The following NCALD variants were observed in gnomAD, a reference collection of about 807,000 sequenced individuals.
NCALD encodes neurocalcin-delta.
A neutral mutation model predicts 18.6 loss-of-function variants in NCALD; 10 were observed. The ratio of observed to expected loss-of-function variants is 0.54; its 90% CI spans 0.33 to 0.91. The LOEUF (loss-of-function observed/expected upper bound fraction) is 0.91, where lower values mean the gene tolerates loss of function less well. Among genes scored for constraint, NCALD ranks in the 40% least tolerant of loss-of-function variants. NCALD has a pLI of 0.03. For synonymous variants in NCALD, 88 were observed against 87.4 expected, an observed-to-expected ratio of 1.01 and a Z score of -0.04; for missense variants, 184 against 247.6, an observed-to-expected ratio of 0.74 and a Z score of 1.72.
At position 101,689,482 on chromosome 8, in the gene NCALD, T is replaced by A; in HGVS notation, c.485-76A>T. 1.7e-6 allele frequency: 2 copies of A among 1,182,760 alleles called. No homozygotes were observed. Among genetic ancestry groups the A allele is most frequent in the Non-Finnish European group, 2.4e-6 (2 of 819,638 alleles). 73.3% of individuals were successfully genotyped at this position (1,182,760 alleles called of 1,614,324 possible). On this transcript the variant is annotated intron_variant, in intron 3 of 3. Transcript: ENST00000220931. The surrounding 1 kb of genome is among the most constrained non-coding windows in gnomAD (Gnocchi z 4.4). Reference sequence around the variant, plus strand: ...TTACACCCTTCCCACTACTGCGTGCTGGGCAGTGTCGATTCACCTGCCTGC... The same window carrying A: ...TTACACCCTTCCCACTACTGCGTGCAGGGCAGTGTCGATTCACCTGCCTGC...
intron 4 of NCALD, among the ~76,000 whole-genome samples, chr8:101,840,995 G>A (rs540754645): frequency 2.6e-5 from 4 of 152,264 alleles, no homozygotes; most frequent in African/African-American, 9.6e-5. Context: ...GGCCTTATTA[G>A]ATTCAGAGCT....
intron 2 of NCALD, among the ~76,000 whole-genome samples, chr8:101,988,902 G>GAAAAAAA (rs35196499): frequency 7.6e-5 from 5 of 66,074 alleles, no homozygotes; most frequent in African/African-American, 1.2e-4. Flanking sequence ...GGTGCCAGCA[G>GAAAAAAA]AAAAAAAAAA....
chr8:101,690,849 C>G, intron 3 of NCALD: 1 of 985,414 alleles, frequency 1.0e-6, no homozygotes, highest in Non-Finnish European at 1.2e-6. Context: ...CAGGCGTGAT[C>G]TCTGAACACT....
At chr8:101,714,605 T>C (rs1815973466) in intron 2 of NCALD, among the ~76,000 whole-genome samples, 1 of 152,218 alleles carries the variant, frequency 6.6e-6, no homozygotes, top group Non-Finnish European at 1.5e-5. Flanking sequence ...CACATCAAGC[T>C]ACCATTGACT....
intron 2 of NCALD, among the ~76,000 whole-genome samples, chr8:101,984,014 G>T (rs1482734112): frequency 2.6e-5 from 4 of 152,152 alleles, no homozygotes; most frequent in Admixed American, 2.0e-4. Context: ...TCACCTGCTC[G>T]AATATGCTAT....
At chr8:101,850,738 G>A (rs1042755412) in intron 4 of NCALD, among the ~76,000 whole-genome samples, 3 of 152,140 alleles carry the variant, frequency 2.0e-5, no homozygotes, top group Non-Finnish European at 4.4e-5. Flanking sequence ...GAAGCAGAGG[G>A]TAGAAGATAT....
chr8:101,950,825 C>T (rs1819386940), intron 2 of NCALD, among the ~76,000 whole-genome samples: 1 of 152,230 alleles, frequency 6.6e-6, no homozygotes, highest in African/African-American at 2.4e-5. Flanking sequence ...GCTCAGACGA[C>T]CTGCAGTCCC....
chr8:101,731,989 T>C (rs1816854231), intron 1 of NCALD, among the ~76,000 whole-genome samples: 1 of 152,194 alleles, frequency 6.6e-6, no homozygotes, highest in Non-Finnish European at 1.5e-5. Flanking sequence ...TCAGACCACC[T>C]GGCCGTCAGA....
upstream of NCALD, among the ~76,000 whole-genome samples, chr8:101,795,363 T>C (rs984919022): frequency 6.6e-6 from 1 of 152,162 alleles, no homozygotes; most frequent in Non-Finnish European, 1.5e-5. Flanking sequence ...AGGTAGCTTA[T>C]AAACAACAGA....
intron 2 of NCALD, among the ~76,000 whole-genome samples, chr8:101,930,316 T>C (rs1818525723): frequency 6.6e-6 from 1 of 152,156 alleles, no homozygotes; most frequent in African/African-American, 2.4e-5. Flanking sequence ...TTTAGTCTGA[T>C]TCCCAAAATG....
chr8:101,726,552 G>C (rs1043467747), intron 1 of NCALD, among the ~76,000 whole-genome samples: 50 of 152,244 alleles, frequency 3.3e-4, no homozygotes, highest in African/African-American at 1.2e-3. Flanking sequence ...AAACTATAAG[G>C]ATAAAGTTAA....
At chr8:101,876,963 T>A (rs930747221) in intron 4 of NCALD, among the ~76,000 whole-genome samples, 1 of 152,196 alleles carries the variant, frequency 6.6e-6, no homozygotes, top group African/African-American at 2.4e-5. Flanking sequence ...AGGATATATA[T>A]GAGAACTCAG....
At position 101,946,809 on chromosome 8, in the gene NCALD, CAAAAA is replaced by C. The variant is rs71268537; in HGVS notation, c.-156-30956_-156-30952del. Among the ~76,000 whole-genome samples, 9 of 65,668 alleles carry C rather than the reference CAAAAA, an allele frequency of 1.4e-4. 1 individual carries two copies. Among genetic ancestry groups the C allele is most frequent in the African/African-American group, 3.7e-4 (6 of 16,108 alleles). 43.1% of individuals were successfully genotyped at this position (65,668 alleles called of 152,430 possible). A position where few individuals can be genotyped will look rare whatever the true frequency, so the allele number is the denominator to read the frequency against. ...AGTGGAGACTATCCACATCAATTAGCAAAAAAAAAAAAAAAAAAAAAAAAAATCTT... is the reference window on the plus strand; with the variant it reads ...AGTGGAGACTATCCACATCAATTAGCAAAAAAAAAAAAAAAAAAAAATCTT... On this transcript the variant is annotated intron_variant, in intron 2 of 6. Transcript: ENST00000311028.
intron 3 of NCALD, chr8:101,690,949 A>G: frequency 1.0e-6 from 1 of 985,382 alleles, no homozygotes. Context: ...GGCTTTCTTC[A>G]CTTAACTGTC....
chr8:101,958,079 T>A (rs758254898), intron 2 of NCALD, among the ~76,000 whole-genome samples: 1 of 152,190 alleles, frequency 6.6e-6, no homozygotes, highest in African/African-American at 2.4e-5. Flanking sequence ...TCCTTCACCA[T>A]GCAGGGTCTC....
intron 1 of NCALD, among the ~76,000 whole-genome samples, chr8:102,043,306 T>C (rs989469922): frequency 6.6e-6 from 1 of 151,920 alleles, no homozygotes; most frequent in Non-Finnish European, 1.5e-5. Context: ...GAGATTCGAG[T>C]TTTTAAAATT....
chr8:101,957,314 T>A (rs1432905483), intron 2 of NCALD, among the ~76,000 whole-genome samples: 2 of 126,030 alleles, frequency 1.6e-5, no homozygotes, highest in East Asian at 4.4e-4. Flanking sequence ...TTTTTTTTTT[T>A]AGCACAAAGC....
chr8:101,985,139 C>T (rs971895281), intron 2 of NCALD, among the ~76,000 whole-genome samples: 5 of 152,216 alleles, frequency 3.3e-5, no homozygotes, highest in Non-Finnish European at 4.4e-5. Flanking sequence ...AACTCCGCCG[C>T]CATGCTGCGT....
At chr8:101,794,329 G>T (rs6468796), upstream of NCALD, among the ~76,000 whole-genome samples, 3 of 152,000 alleles carry the variant, frequency 2.0e-5, no homozygotes, top group South Asian at 4.2e-4. Context: ...CTCAACTATT[G>T]GGAAATAAAT....
Sources: gnomAD v4.1 joint callset for allele counts (sites outside exome capture counted in the v4.1 genomes callset) on GRCh38, gnomAD v4.1.1 for gene constraint, Gnocchi (gnomAD v3.1) non-coding constraint, MANE v1.5 for transcripts, NCBI Gene and HGNC (gene_info 2026-07-23, HGNC 2026-07-21) for gene names.